The following TCEANC2 variants were observed in gnomAD, a reference collection of about 807,000 sequenced individuals.
TCEANC2 encodes the protein transcription elongation factor A N-terminal and central domain containing 2.
Under a neutral mutation model 22.8 loss-of-function variants are expected in TCEANC2, and 20 were observed. The observed-to-expected ratio is 0.88, with a 90% CI of 0.62 to 1.28. The LOEUF (loss-of-function observed/expected upper bound fraction) is 1.28, where lower values mean the gene tolerates loss of function less well. TCEANC2 is among the 50% of genes most tolerant of loss of function. The pLI is 0.00. For synonymous variants in TCEANC2, 84 were observed against 95.5 expected (o/e 0.88, Z 0.70); for missense variants, 251 against 249.7 (o/e 1.01, Z -0.03).
At chr1:54,077,610 A>C (rs1306506761) in intron 3 of TCEANC2, among the ~76,000 whole-genome samples, 1 of 152,008 alleles carries the variant, frequency 6.6e-6, no homozygotes, top group Non-Finnish European at 1.5e-5. Flanking sequence ...TCAGTTTGTA[A>C]TCACCTATTT....
chr1:54,069,128 A>G lies in TCEANC2; in HGVS notation c.244+231A>G, dbSNP rs1322523064. On this transcript the variant is annotated intron_variant, in intron 3 of 4. Coordinates refer to ENST00000234827, the MANE Select transcript of TCEANC2 (RefSeq NM_153035.3). Reference sequence around the variant, plus strand: ...ATACAAAATACAAGCCCCAGTTTTTAAAATTAGATTCAACAGATATAGGAT... The same window carrying G: ...ATACAAAATACAAGCCCCAGTTTTTGAAATTAGATTCAACAGATATAGGAT... Among the ~76,000 whole-genome samples the G allele has an allele frequency of 2.0e-5, 3 of 152,246 alleles. No individual in the cohort carries two copies. In the East Asian group the frequency reaches 5.8e-4, roughly 29 times the overall value.
At position 54,096,389 on chromosome 1, in the gene TCEANC2, A is replaced by G; in HGVS notation, c.543A>G (p.Thr181=). ...YRRTVRALVF[T]LKHRAEIRAQ... ...GGACGGTGAGAGCCCTGGTCTTCAC[A>G]TTAAAGCACCGAGCTGAAATCCGGG... The change falls in exon 5 of 5, where the codon ACA becomes ACG. Residue 181 remains threonine, a synonymous_variant. Coordinates refer to ENST00000234827, the MANE Select transcript of TCEANC2 (RefSeq NM_153035.3). This position sits in a 1 kb window ranked among gnomAD's most constrained non-coding sequence, Gnocchi z 4.9. 1.2e-6 allele frequency: 2 copies of G among 1,613,654 alleles called. No homozygotes were observed. The highest frequency in any genetic ancestry group is 1.7e-6 in the Non-Finnish European group (2 of 1,179,520).
At chr1:54,085,437 T>G (rs1557692335) in intron 3 of TCEANC2, among the ~76,000 whole-genome samples, 1 of 152,220 alleles carries the variant, frequency 6.6e-6, no homozygotes, top group Non-Finnish European at 1.5e-5. Context: ...CCTCTTTCAT[T>G]ATGTATTAAA....
chr1:54,074,975 T>C (rs1658121885), intron 3 of TCEANC2, among the ~76,000 whole-genome samples: 1 of 152,198 alleles, frequency 6.6e-6, no homozygotes, highest in African/African-American at 2.4e-5. Flanking sequence ...AAAGATTCTG[T>C]AGAGTGAGAG....
At chr1:54,071,684 A>G (rs1658057845) in intron 3 of TCEANC2, among the ~76,000 whole-genome samples, 4 of 152,166 alleles carry the variant, frequency 2.6e-5, no homozygotes, top group Admixed American at 6.6e-5. Context: ...GGAGGTGATA[A>G]TCATTGAAGC....
At position 54,104,879 on chromosome 1, in the gene TCEANC2, C is replaced by T. The variant is rs1196193219; in HGVS notation, c.*8406C>T. The T allele has an allele frequency of 3.2e-6, 1 of 311,624 alleles. No individual in the cohort carries two copies. The highest frequency in any genetic ancestry group is 2.2e-5 in the African/African-American group (1 of 45,966). The allele number at this position is 311,624 out of a possible 1,614,324, so 19.3% of individuals were successfully genotyped here. On this transcript the variant is annotated 3_prime_UTR_variant, in exon 5 of 5. Coordinates refer to ENST00000234827, the MANE Select transcript of TCEANC2 (RefSeq NM_153035.3). ...TTTATAAAATAATTATACAAGTGCC[C>T]AGACCGTGACCTGAGCAGGATATGC...
At chr1:54,087,124 A>G (rs1192957044) in intron 3 of TCEANC2, among the ~76,000 whole-genome samples, 2 of 152,232 alleles carry the variant, frequency 1.3e-5, no homozygotes, top group South Asian at 2.1e-4. Flanking sequence ...CCCATGGAGC[A>G]GGATTAAAAA....
At chr1:54,089,552 A>G (rs1046296249) in intron 4 of TCEANC2, among the ~76,000 whole-genome samples, 3 of 152,206 alleles carry the variant, frequency 2.0e-5, no homozygotes, top group Non-Finnish European at 4.4e-5. Context: ...AATACTCTGG[A>G]AAATAGGACA....
At chr1:54,078,710 C>T (rs935027983) in intron 3 of TCEANC2, among the ~76,000 whole-genome samples, 1 of 152,080 alleles carries the variant, frequency 6.6e-6, no homozygotes, top group Non-Finnish European at 1.5e-5. Context: ...GAAGTGTTTG[C>T]TTGCAATCAC....
At chr1:54,064,143 A>G (rs529783780) in intron 2 of TCEANC2, among the ~76,000 whole-genome samples, 3 of 152,374 alleles carry the variant, frequency 2.0e-5, no homozygotes, top group African/African-American at 4.8e-5. Flanking sequence ...TACAAAGTCT[A>G]TAAGAAAATA....
At chr1:54,076,512 G>A (rs137942218) in intron 3 of TCEANC2, among the ~76,000 whole-genome samples, 16 of 152,230 alleles carry the variant, frequency 1.1e-4, no homozygotes, top group African/African-American at 2.9e-4. Flanking sequence ...TCATTGATGG[G>A]CATTTCAATT....
At chr1:54,095,756 T>C (rs1364771393) in intron 4 of TCEANC2, among the ~76,000 whole-genome samples, 1 of 152,190 alleles carries the variant, frequency 6.6e-6, no homozygotes, top group Non-Finnish European at 1.5e-5. Flanking sequence ...CTCTGTCTCT[T>C]AGTAATTGTA....
chr1:54,062,639 G>A (rs990847236), intron 2 of TCEANC2, among the ~76,000 whole-genome samples: 4 of 152,308 alleles, frequency 2.6e-5, no homozygotes, highest in East Asian at 3.9e-4. Context: ...GCAGAGGGAC[G>A]CAAAGTGGAG....
At chr1:54,077,251 G>A (rs1398638036) in intron 3 of TCEANC2, among the ~76,000 whole-genome samples, 2 of 152,130 alleles carry the variant, frequency 1.3e-5, no homozygotes, top group Admixed American at 6.5e-5. Flanking sequence ...TTTCAGACAA[G>A]CACAAATCTT....
chr1:54,066,000 G>T (rs1657947310), intron 2 of TCEANC2, among the ~76,000 whole-genome samples: 1 of 151,226 alleles, frequency 6.6e-6, no homozygotes, highest in African/African-American at 2.4e-5. Flanking sequence ...TGAACAGGTT[G>T]GGGGAGAGGG....
At chr1:54,084,401 A>G (rs1658299892) in intron 3 of TCEANC2, among the ~76,000 whole-genome samples, 1 of 152,188 alleles carries the variant, frequency 6.6e-6, no homozygotes, top group Non-Finnish European at 1.5e-5. Flanking sequence ...ATGAGCTTGT[A>G]GGTTGTTCCT....
chr1:54,086,437 C>G lies in TCEANC2; in HGVS notation c.245-2160C>G, dbSNP rs1162957283. ...GGAAGAATTCCTGGAGGAAGGGACC[C>G]TTAAATGAGTCTTAAAGGCCGAATG... On this transcript the variant is annotated intron_variant, in intron 3 of 4. Coordinates refer to ENST00000234827, the MANE Select transcript of TCEANC2 (RefSeq NM_153035.3). Among the ~76,000 whole-genome samples the G allele has an allele frequency of 1.3e-5, 2 of 152,258 alleles. 1 individual carries two copies.
intron 2 of TCEANC2, among the ~76,000 whole-genome samples, chr1:54,061,761 A>T (rs1414741534): frequency 3.3e-5 from 5 of 152,106 alleles, no homozygotes; most frequent in Admixed American, 3.3e-4. Flanking sequence ...GAAAAAAAAA[A>T]AAGTGGAAGT....
intron 2 of TCEANC2, among the ~76,000 whole-genome samples, chr1:54,059,020 G>C (rs1315574546): frequency 6.6e-6 from 1 of 152,014 alleles, no homozygotes; most frequent in Non-Finnish European, 1.5e-5. Flanking sequence ...CTTGATGCTT[G>C]TCCCTTTTCC....
Sources: gnomAD v4.1 joint callset for allele counts (sites outside exome capture counted in the v4.1 genomes callset) on GRCh38, gnomAD v4.1.1 for gene constraint, Gnocchi (gnomAD v3.1) non-coding constraint, MANE v1.5 for transcripts, NCBI Gene and HGNC (gene_info 2026-07-23, HGNC 2026-07-21) for gene names.